The following SFXN1 variants were observed in gnomAD, a reference collection of about 807,000 sequenced individuals.
SFXN1 encodes sideroflexin 1, also known as sideroflexin-1.
In SFXN1, 32 loss-of-function variants were observed where a neutral mutation model predicts 39.5. The ratio of observed to expected loss-of-function variants is 0.81; its 90% CI spans 0.61 to 1.09. The LOEUF (loss-of-function observed/expected upper bound fraction) is 1.09. SFXN1 is among the 50% of genes least tolerant of loss of function. The pLI is 0.00. For missense variants in SFXN1, 402 were observed against 407.1 expected (o/e 0.99, Z 0.11); for synonymous variants, 136 against 146.5 (o/e 0.93, Z 0.52).
At chr5:175,517,245 A>G (rs948283410) in intron 8 of SFXN1, among the ~76,000 whole-genome samples, 1 of 152,226 alleles carries the variant, frequency 6.6e-6, no homozygotes, top group Non-Finnish European at 1.5e-5. Context: ...CTGTTACACA[A>G]TGATAAGATG....
At chr5:175,506,674 CT>C (rs534195125) in intron 2 of SFXN1, among the ~76,000 whole-genome samples, 22 of 149,228 alleles carry the variant, frequency 1.5e-4, no homozygotes, top group Non-Finnish European at 2.4e-4. Context: ...GTATTCATTT[CT>C]TTTTTTTTTG....
intron 2 of SFXN1, among the ~76,000 whole-genome samples, chr5:175,496,109 A>G (rs10060326): frequency 0.28 from 41,794 of 151,646 alleles, 6,036 homozygotes; most frequent in South Asian, 0.44. Context: ...TGTTGGTCAG[A>G]CTGGTCTCAA....
intron 1 of SFXN1, among the ~76,000 whole-genome samples, chr5:175,486,164 A>G (rs771447641): frequency 1.3e-5 from 2 of 151,104 alleles, no homozygotes; most frequent in Non-Finnish European, 2.9e-5. Context: ...GTAAAGGTCA[A>G]GTTTTTATTT....
chr5:175,493,037 A>C (rs924710644), intron 2 of SFXN1, among the ~76,000 whole-genome samples: 1 of 151,968 alleles, frequency 6.6e-6, no homozygotes, highest in Non-Finnish European at 1.5e-5. Flanking sequence ...GTAGATCACG[A>C]GGTCAGGAGA....
chr5:175,482,984 G>T (rs1264129014), intron 1 of SFXN1, among the ~76,000 whole-genome samples: 2 of 152,120 alleles, frequency 1.3e-5, no homozygotes, highest in African/African-American at 4.8e-5. Flanking sequence ...GTACATAAGA[G>T]GCCTTCAGTG....
chr5:175,519,328 T>A lies in SFXN1; in HGVS notation c.775-2591T>A, dbSNP rs369713327. On this transcript the variant is annotated intron_variant, in intron 8 of 10. Coordinates refer to ENST00000321442, the MANE Select transcript of SFXN1 (RefSeq NM_022754.7). ...AAGTTAAACAGATGCTGCCCTATGA[T>A]CCAGCCATTTCCTTCCTAGATCTTT... 1.8e-4 allele frequency among the ~76,000 whole-genome samples: 27 copies of A among 152,310 alleles called. No individual in the cohort carries two copies. The East Asian group carries it at 1.9e-3, about 11-fold the overall frequency.
chr5:175,515,151 G>T (rs1338428046), intron 7 of SFXN1, among the ~76,000 whole-genome samples: 1 of 152,130 alleles, frequency 6.6e-6, no homozygotes, highest in African/African-American at 2.4e-5. Flanking sequence ...CCAGTAGCTG[G>T]GACTACAGGC....
intron 1 of SFXN1, among the ~76,000 whole-genome samples, chr5:175,479,795 C>T (rs1469444918): frequency 6.6e-6 from 1 of 152,124 alleles, no homozygotes; most frequent in East Asian, 1.9e-4. Context: ...ATAGCTTTTT[C>T]CCTGCACATT....
At chr5:175,498,484 A>G (rs1759951383) in intron 2 of SFXN1, among the ~76,000 whole-genome samples, 1 of 152,220 alleles carries the variant, frequency 6.6e-6, no homozygotes, top group South Asian at 2.1e-4. Context: ...GCTGTTAACT[A>G]CTACATACAC....
chr5:175,486,035 CCT>C (rs1050395411), intron 1 of SFXN1, among the ~76,000 whole-genome samples: 1 of 152,150 alleles, frequency 6.6e-6, no homozygotes, highest in Non-Finnish European at 1.5e-5. Context: ...TTCCCCTCTC[CCT>C]CTCTCTCCTT....
At chr5:175,500,652 G>C (rs1760041552) in intron 2 of SFXN1, among the ~76,000 whole-genome samples, 1 of 152,042 alleles carries the variant, frequency 6.6e-6, no homozygotes, top group Non-Finnish European at 1.5e-5. Flanking sequence ...GGAAATACAG[G>C]GAGCCTAGAA....
At chr5:175,490,645 C>T (rs1489363421) in intron 1 of SFXN1, among the ~76,000 whole-genome samples, 1 of 152,100 alleles carries the variant, frequency 6.6e-6, no homozygotes, top group Non-Finnish European at 1.5e-5. Flanking sequence ...TGGTTTGAAG[C>T]CTTTATAGTG....
At chr5:175,488,262 G>A (rs115648464) in intron 1 of SFXN1, among the ~76,000 whole-genome samples, 2,888 of 151,304 alleles carry the variant, frequency 0.019, 82 homozygotes, top group African/African-American at 0.066. Flanking sequence ...CTCCGCCCCA[G>A]CTCATGCCTT....
At chr5:175,492,388 C>CA (rs11318563) in intron 2 of SFXN1, 121 bp downstream of exon 2, 4,452 of 633,996 alleles carry the variant, frequency 7.0e-3, no homozygotes, top group East Asian at 0.016. Flanking sequence ...TTCTTTTGAC[C>CA]AAAAAAAAAA....
At chr5:175,497,936 G>GAAAAAAAAAAAAAAAAAAAAA (rs71581646) in intron 2 of SFXN1, among the ~76,000 whole-genome samples, 1 of 95,852 alleles carries the variant, frequency 1.0e-5, no homozygotes, top group Non-Finnish European at 2.3e-5. Flanking sequence ...GTCTCAAAAA[G>GAAAAAAAAAAAAAAAAAAAAA]AAAAAAAAAA....
intron 1 of SFXN1, among the ~76,000 whole-genome samples, chr5:175,482,560 C>T (rs926509294): frequency 6.6e-6 from 1 of 152,146 alleles, no homozygotes; most frequent in Non-Finnish European, 1.5e-5. Context: ...CATTTATGCA[C>T]GGGACTGTGG....
intron 8 of SFXN1, among the ~76,000 whole-genome samples, chr5:175,521,532 T>A (rs1268598119): frequency 1.3e-5 from 2 of 152,178 alleles, no homozygotes; most frequent in Non-Finnish European, 2.9e-5. Flanking sequence ...TGCCTGTGGT[T>A]CCCCACAGTC....
intron 2 of SFXN1, among the ~76,000 whole-genome samples, chr5:175,494,811 A>G (rs1759796597): frequency 6.6e-6 from 1 of 152,184 alleles, no homozygotes; most frequent in Non-Finnish European, 1.5e-5. Context: ...TAAACTCTTC[A>G]TAAACCCTTC....
At chr5:175,514,772 T>C (rs1481679297) in intron 7 of SFXN1, among the ~76,000 whole-genome samples, 1 of 152,178 alleles carries the variant, frequency 6.6e-6, no homozygotes, top group East Asian at 1.9e-4. Context: ...AAACTGCTAT[T>C]ATCTGGTTTA....
Sources: allele counts gnomAD v4.1 joint callset (sites outside exome capture counted in the v4.1 genomes callset), GRCh38; gene constraint gnomAD v4.1.1; transcripts MANE v1.5; gene names NCBI Gene and HGNC (gene_info 2026-07-23, HGNC 2026-07-21).